FGF14: variants seen among roughly 807,000 people sequenced by gnomAD.
The protein encoded by FGF14 is fibroblast growth factor homologous factor 4.
Under a neutral mutation model 25.5 loss-of-function variants are expected in FGF14, and 5 were observed. The observed-to-expected ratio is 0.20, with a 90% CI of 0.10 to 0.41. The LOEUF is 0.41. Among genes scored for constraint, FGF14 ranks in the 10% least tolerant of loss-of-function variants. The probability of loss-of-function intolerance (pLI) is 1.00; values close to 1 mark genes in which losing one functional copy is unlikely to be tolerated. For missense variants in FGF14, 222 were observed against 320.1 expected (o/e 0.69, Z 2.34); for synonymous variants, 138 against 118.3 (o/e 1.17, Z -1.08).
intron 3 of FGF14, among the ~76,000 whole-genome samples, chr13:101,858,666 G>C (rs570995941): frequency 1.1e-3 from 164 of 151,998 alleles, no homozygotes; most frequent in Non-Finnish European, 1.9e-3. Context: ...ATTTACAGTA[G>C]TTTATATAGT....
intron 1 of FGF14, among the ~76,000 whole-genome samples, chr13:102,019,194 T>C (rs186181412): frequency 1.3e-5 from 2 of 152,248 alleles, no homozygotes; most frequent in Admixed American, 1.3e-4. Flanking sequence ...GATCTTCATC[T>C]TGAGGTCCAA....
At chr13:102,100,585 T>A (rs9518633) in intron 1 of FGF14, among the ~76,000 whole-genome samples, 58,868 of 152,056 alleles carry the variant, frequency 0.39, 13,498 homozygotes, top group Non-Finnish European at 0.51. Flanking sequence ...AACAAGCTGC[T>A]TGCTACTTGG....
intron 1 of FGF14, among the ~76,000 whole-genome samples, chr13:102,203,596 G>T (rs1271555883): frequency 1.3e-5 from 2 of 152,008 alleles, no homozygotes; most frequent in Non-Finnish European, 2.9e-5. Flanking sequence ...ATTTAATTAT[G>T]TTTTATTATT....
chr13:101,903,810 A>G (rs1269390229), intron 1 of FGF14, among the ~76,000 whole-genome samples: 2 of 152,254 alleles, frequency 1.3e-5, no homozygotes, highest in Admixed American at 6.5e-5. Flanking sequence ...ATAGACTGTC[A>G]GCATCTAGAG....
chr13:102,049,570 C>T (rs2042130864), intron 1 of FGF14, among the ~76,000 whole-genome samples: 1 of 152,178 alleles, frequency 6.6e-6, no homozygotes, highest in Admixed American at 6.5e-5. Context: ...ATCTTACTCT[C>T]CTCATTCATA....
intron 1 of FGF14, among the ~76,000 whole-genome samples, chr13:101,884,205 C>T (rs1159380740): frequency 1.3e-5 from 2 of 151,934 alleles, no homozygotes; most frequent in African/African-American, 2.4e-5. Context: ...GCCCAGGTAC[C>T]ACTCAGCTGT....
chr13:101,739,653 C>G (rs750085030), intron 3 of FGF14, among the ~76,000 whole-genome samples: 1 of 152,084 alleles, frequency 6.6e-6, no homozygotes. Context: ...GAGAAAACAA[C>G]GAAATCAGAA....
chr13:102,229,191 A>T (rs1928509), intron 1 of FGF14, among the ~76,000 whole-genome samples: 122,939 of 152,124 alleles, frequency 0.81, 50,082 homozygotes, highest in African/African-American at 0.91. Context: ...TGGATACCCT[A>T]CGTTTGCTAG....
intron 1 of FGF14, among the ~76,000 whole-genome samples, chr13:101,887,708 A>G (rs1429421647): frequency 6.6e-6 from 1 of 152,194 alleles, no homozygotes; most frequent in Non-Finnish European, 1.5e-5. Context: ...AATTTATTGT[A>G]CATTTCAAAA....
At chr13:102,219,410 C>T (rs1484723827) in intron 1 of FGF14, among the ~76,000 whole-genome samples, 1 of 152,108 alleles carries the variant, frequency 6.6e-6, no homozygotes, top group East Asian at 1.9e-4. Context: ...TTGACATCAA[C>T]CCCTGCTCCC....
chr13:101,889,113 A>G (rs140424463), intron 1 of FGF14, among the ~76,000 whole-genome samples: 83 of 152,300 alleles, frequency 5.4e-4, no homozygotes, highest in African/African-American at 1.9e-3. Flanking sequence ...CAAGCATGCC[A>G]GTGCCTTGAT....
intron 3 of FGF14, among the ~76,000 whole-genome samples, chr13:101,784,118 C>A (rs375133324): frequency 6.6e-6 from 1 of 152,098 alleles, no homozygotes; most frequent in South Asian, 2.1e-4. Context: ...TGATTGATCT[C>A]TTTGTTTCCT....
At chr13:102,379,570 GAGAA>G (rs2058132044) in intron 1 of FGF14, among the ~76,000 whole-genome samples, 1 of 151,894 alleles carries the variant, frequency 6.6e-6, no homozygotes, top group Non-Finnish European at 1.5e-5. Context: ...TATGCAAAGA[GAGAA>G]AGAGAGATAG....
chr13:101,934,677 C>T (rs574314044), intron 1 of FGF14, among the ~76,000 whole-genome samples: 2 of 152,308 alleles, frequency 1.3e-5, no homozygotes, highest in South Asian at 4.1e-4. Flanking sequence ...AATGAAGCAT[C>T]AATCCCATGC....
Position 101,881,349 on chromosome 13 carries a change from C to T in FGF14, c.194-6053G>A, listed in dbSNP as rs180783224. Among the ~76,000 whole-genome samples, 929 of 152,314 alleles carry T rather than the reference C, an allele frequency of 6.1e-3. 9 individuals are homozygous for T. Among genetic ancestry groups the T allele is most frequent in the Admixed American group, 0.013 (193 of 15,298 alleles). On this transcript the variant is annotated intron_variant, in intron 1 of 4. Transcript: ENST00000376143. Reference sequence around the variant, plus strand: ...CACATTGGAGCTCTCATGGCCCACACAATCCAGAAATGGACAATAAAATGG... The same window carrying T: ...CACATTGGAGCTCTCATGGCCCACATAATCCAGAAATGGACAATAAAATGG...
chr13:101,741,093 T>G (rs1307253264), intron 3 of FGF14, among the ~76,000 whole-genome samples: 1 of 152,170 alleles, frequency 6.6e-6, no homozygotes, highest in Non-Finnish European at 1.5e-5. Context: ...CCCAGCACTT[T>G]GGGAGGCTGA....
chr13:101,911,710 C>G (rs896631950), intron 1 of FGF14, among the ~76,000 whole-genome samples: 1 of 152,010 alleles, frequency 6.6e-6, no homozygotes, highest in Non-Finnish European at 1.5e-5. Context: ...CAAAACAAAA[C>G]TCAACATTTT....
At chr13:101,980,316 TATA>T (rs1302690062) in intron 1 of FGF14, among the ~76,000 whole-genome samples, 2 of 150,532 alleles carry the variant, frequency 1.3e-5, no homozygotes, top group Non-Finnish European at 2.9e-5. Flanking sequence ...TGGTTAGTTT[TATA>T]ATATTATTTA....
At chr13:101,963,217 C>T (rs1012268403) in intron 1 of FGF14, among the ~76,000 whole-genome samples, 2 of 152,234 alleles carry the variant, frequency 1.3e-5, no homozygotes, top group South Asian at 2.1e-4. Flanking sequence ...CTACATCTGA[C>T]GATTGCTTCG....
Sources: gnomAD v4.1 joint callset for allele counts (sites outside exome capture counted in the v4.1 genomes callset) on GRCh38, gnomAD v4.1.1 for gene constraint, MANE v1.5 for transcripts, NCBI Gene and HGNC (gene_info 2026-07-23, HGNC 2026-07-21) for gene names.